RNPC3: variants seen among roughly 807,000 people sequenced by gnomAD.
The protein encoded by RNPC3 is RNA binding region (RNP1, RRM) containing 3.
RNPC3 carries 48 observed loss-of-function variants against 67.5 expected under a neutral mutation model. The ratio of observed to expected loss-of-function variants is 0.71; its 90% CI spans 0.56 to 0.90. RNPC3 has a LOEUF of 0.90. RNPC3 is among the 40% of genes least tolerant of loss of function. RNPC3 has a pLI of 0.00. For missense variants in RNPC3, 637 were observed against 626.1 expected (o/e 1.02, Z -0.19); for synonymous variants, 239 against 210.3 (o/e 1.14, Z -1.18).
intron 7 of RNPC3, among the ~76,000 whole-genome samples, chr1:103,540,403 A>G (rs958455076): frequency 6.6e-6 from 1 of 152,202 alleles, no homozygotes; most frequent in African/African-American, 2.4e-5. Context: ...CTCAACCTGT[A>G]CTATTCATTT....
At position 103,525,891 on chromosome 1, in the gene RNPC3, A is replaced by G; in HGVS notation, c.-180A>G. 1 of 591,082 alleles carries G rather than the reference A, an allele frequency of 1.7e-6. No homozygotes were observed. The highest frequency in any genetic ancestry group is 2.9e-5 in the East Asian group (1 of 34,614). The allele number at this position is 591,082 out of a possible 1,614,324, so 36.6% of individuals were successfully genotyped here. A position where few individuals can be genotyped will look rare whatever the true frequency, so the allele number is the denominator to read the frequency against. On this transcript the variant is annotated 5_prime_UTR_variant, in exon 1 of 15. Transcript: ENST00000423855. ...CGCGCCCTTCCCCGAAGAGTCTTCGAAGGGTTGCCGCTTTTCGGTGGCGCA... is the reference window on the plus strand; with the variant it reads ...CGCGCCCTTCCCCGAAGAGTCTTCGGAGGGTTGCCGCTTTTCGGTGGCGCA...
Position 103,546,082 on chromosome 1 carries a change from C to T in RNPC3, c.1208-166C>T, listed in dbSNP as rs1651237039. On this transcript the variant is annotated intron_variant, in intron 10 of 14. Coordinates refer to ENST00000423855, the MANE Select transcript of RNPC3 (RefSeq NM_017619.4). ...TATGTAATATTGTTACTAATTAGTT[C>T]ATATGAAAATGAACTAATTTTCATT... 7 of 367,850 alleles carry T rather than the reference C, an allele frequency of 1.9e-5. No individual in the cohort carries two copies. In the South Asian group the frequency reaches 4.1e-4, roughly 22 times the overall value. The allele number at this position is 367,850 out of a possible 1,614,324, so 22.8% of individuals were successfully genotyped here. A position where few individuals can be genotyped will look rare whatever the true frequency, so the allele number is the denominator to read the frequency against.
chr1:103,545,308 TTCCAG>T, intron 10 of RNPC3: 1 of 404,572 alleles, frequency 2.5e-6, no homozygotes. Flanking sequence ...CATACAGTGT[TTCCAG>T]TCTATATTTA....
intron 7 of RNPC3, among the ~76,000 whole-genome samples, chr1:103,537,741 G>A (rs374963643): frequency 6.6e-6 from 1 of 151,996 alleles, no homozygotes; most frequent in Non-Finnish European, 1.5e-5. Flanking sequence ...AAGTACGTTC[G>A]AGCCTTGTTA....
intron 9 of RNPC3, among the ~76,000 whole-genome samples, chr1:103,544,470 CT>C (rs1290091220): frequency 6.6e-6 from 1 of 151,700 alleles, no homozygotes; most frequent in East Asian, 1.9e-4. Flanking sequence ...TTTATCATGC[CT>C]TTTTCATAGA....
At chr1:103,530,574 A>G (rs1266453701) in intron 2 of RNPC3, among the ~76,000 whole-genome samples, 1 of 152,184 alleles carries the variant, frequency 6.6e-6, no homozygotes, top group East Asian at 1.9e-4. Flanking sequence ...CAGAGAAGTC[A>G]TAGAATCTAT....
chr1:103,543,517 T>A (rs1651174495), intron 9 of RNPC3, 70 bp downstream of exon 9: 1 of 1,128,092 alleles, frequency 8.9e-7, no homozygotes, highest in Non-Finnish European at 1.2e-6. Context: ...TTACATATAA[T>A]GTTTCATATT....
Position 103,544,198 on chromosome 1 carries a change from C to T in RNPC3, c.1046-743C>T, listed in dbSNP as rs147561886. On this transcript the variant is annotated intron_variant, in intron 9 of 14. Transcript: ENST00000423855. ...TGTTTGTGTGTGTGTATGTATGTAT[C>T]CTTCCAGACCTTATCCTGTATATGT... 6.6e-5 allele frequency among the ~76,000 whole-genome samples: 10 copies of T among 151,672 alleles called. No homozygotes were observed. In the East Asian group the frequency reaches 1.9e-3, roughly 29 times the overall value.
rs1317578725 is a variant in RNPC3, at chr1:103,543,373, A to G, written c.971A>G (p.His324Arg). 9 of 1,522,044 alleles carry G rather than the reference A, an allele frequency of 5.9e-6. No individual in the cohort carries two copies. The highest frequency in any genetic ancestry group is 7.0e-6 in the Non-Finnish European group (8 of 1,140,436). 94.3% of individuals were successfully genotyped at this position (1,522,044 alleles called of 1,614,324 possible). The change falls in exon 9 of 15, where the codon CAT (histidine) becomes CGT (arginine). Residue 324 changes from histidine (H) to arginine (R), a missense_variant. Around this residue, in one of 3 missense-constraint regions of RNPC3, gnomAD observed 536 missense variants for 500.3 expected, o/e 1.07. Transcript: ENST00000423855. ...QPVGNKRIEF[H>R]ISTDMPAAFK... is the part of the protein sequence containing the mutation. Reference sequence around the variant, plus strand: ...GTAGGTAACAAAAGAATTGAATTCCATATATCTACCGACATGCCAGCTGCA... The same window carrying G: ...GTAGGTAACAAAAGAATTGAATTCCGTATATCTACCGACATGCCAGCTGCA...
chr1:103,551,657 T>C (rs1009158173), intron 13 of RNPC3, 64 bp from the exon 14 acceptor site: 1 of 1,082,594 alleles, frequency 9.2e-7, no homozygotes, highest in African/African-American at 1.6e-5. Flanking sequence ...AGAAAGTTTT[T>C]GAGAATTATT....
At chr1:103,539,847 C>T (rs1218207995) in intron 7 of RNPC3, among the ~76,000 whole-genome samples, 1 of 151,996 alleles carries the variant, frequency 6.6e-6, no homozygotes, top group Non-Finnish European at 1.5e-5. Flanking sequence ...TTAGTGACAC[C>T]TTTGCTTGTT....
intron 5 of RNPC3, among the ~76,000 whole-genome samples, chr1:103,535,718 G>T (rs928306951): frequency 6.6e-6 from 1 of 151,992 alleles, no homozygotes; most frequent in African/African-American, 2.4e-5. Context: ...TAAAAGAAAA[G>T]TTATAGTAGA....
At chr1:103,533,048 C>T (rs1317163901) in intron 2 of RNPC3, among the ~76,000 whole-genome samples, 2 of 151,886 alleles carry the variant, frequency 1.3e-5, no homozygotes, top group Admixed American at 6.6e-5. Flanking sequence ...AATAAGATCA[C>T]CCTCCACACC....
intron 7 of RNPC3, among the ~76,000 whole-genome samples, chr1:103,537,850 T>C (rs1651029587): frequency 6.6e-6 from 1 of 151,992 alleles, no homozygotes; most frequent in Admixed American, 6.6e-5. Context: ...ATTATTATTA[T>C]TATTATTTTT....
In RNPC3 at chr1:103,543,374, T is replaced by C; in HGVS notation, c.972T>C (p.His324=). ...QPVGNKRIEF[H]ISTDMPAAFK... is the part of the protein sequence containing the mutation. ...TAGGTAACAAAAGAATTGAATTCCATATATCTACCGACATGCCAGCTGCAT... is the reference window on the plus strand; with the variant it reads ...TAGGTAACAAAAGAATTGAATTCCACATATCTACCGACATGCCAGCTGCAT... Residue 324 remains histidine, a synonymous_variant, in exon 9 of 15, where the codon CAT becomes CAC. Transcript: ENST00000423855. The C allele has an allele frequency of 6.6e-7, 1 of 1,521,724 alleles. No individual in the cohort carries two copies. The highest frequency in any genetic ancestry group is 8.8e-7 in the Non-Finnish European group (1 of 1,140,218). The allele number at this position is 1,521,724 out of a possible 1,614,324, so 94.3% of individuals were successfully genotyped here.
At chr1:103,543,706 C>A (rs1396318424) in intron 9 of RNPC3, among the ~76,000 whole-genome samples, 1 of 151,672 alleles carries the variant, frequency 6.6e-6, no homozygotes, top group Non-Finnish European at 1.5e-5. Flanking sequence ...CTGATGTTTA[C>A]ACTAAAAATA....
chr1:103,540,634 T>C (rs1350287601), intron 7 of RNPC3, among the ~76,000 whole-genome samples: 1 of 152,222 alleles, frequency 6.6e-6, no homozygotes, highest in African/African-American at 2.4e-5. Flanking sequence ...AATGCCCTCC[T>C]TCCTCTCTTT....
chr1:103,543,867 T>G (rs537757384), intron 9 of RNPC3, among the ~76,000 whole-genome samples: 1 of 151,846 alleles, frequency 6.6e-6, no homozygotes, highest in East Asian at 1.9e-4. Flanking sequence ...ATATATATAT[T>G]TTTTAATCCA....
chr1:103,548,621 C>A (rs928808279), intron 12 of RNPC3, among the ~76,000 whole-genome samples: 1 of 152,142 alleles, frequency 6.6e-6, no homozygotes, highest in Admixed American at 6.5e-5. Context: ...ACAAGTCTAG[C>A]GAGTTCCAAA....
Sources: gnomAD v4.1 joint callset for allele counts (sites outside exome capture counted in the v4.1 genomes callset) on GRCh38, gnomAD v4.1.1 for gene constraint, gnomAD v4.1.1 regional missense constraint, MANE v1.5 for transcripts, NCBI Gene and HGNC (gene_info 2026-07-23, HGNC 2026-07-21) for gene names.